MGAT4C: variants seen among roughly 807,000 people sequenced by gnomAD.
The protein encoded by MGAT4C is alpha-1,3-mannosyl-glycoprotein 4-beta-N-acetylglucosaminyltransferase C.
In MGAT4C, 19 loss-of-function variants were observed where a neutral mutation model predicts 40.1. The observed-to-expected ratio is 0.47, with a 90% CI of 0.33 to 0.70. MGAT4C has a LOEUF of 0.70. MGAT4C is among the 30% of genes least tolerant of loss of function. The probability of loss-of-function intolerance (pLI) is 0.02; values close to 1 mark genes in which losing one functional copy is unlikely to be tolerated. For missense variants in MGAT4C, 491 were observed against 563.2 expected, an observed-to-expected ratio of 0.87 and a Z score of 1.30; for synonymous variants, 181 against 187.1, an observed-to-expected ratio of 0.97 and a Z score of 0.27.
rs116761551 is a variant in MGAT4C, at chr12:86,069,549, A to G, written c.-56-19826T>C. ...AAGTGAACAGTGTGAACTATGGCAG[A>G]TTGGGTAAGAAAATGAATCTACACA... On this transcript the variant is annotated intron_variant, in intron 1 of 4. Coordinates refer to ENST00000611864, the MANE Select transcript of MGAT4C (RefSeq NM_001351288.2). Among the ~76,000 whole-genome samples, 5 of 152,308 alleles carry G rather than the reference A, an allele frequency of 3.3e-5. No individual in the cohort carries two copies. In the East Asian group the frequency reaches 5.8e-4, roughly 18 times the overall value.
At chr12:86,274,392 ATATAG>A (rs1345874425) in intron 4 of MGAT4C, among the ~76,000 whole-genome samples, 4 of 152,068 alleles carry the variant, frequency 2.6e-5, no homozygotes, top group Non-Finnish European at 5.9e-5. Context: ...TTAACTATAT[ATATAG>A]TATAGTATAT....
At chr12:86,140,259 G>A (rs2135736539) in intron 1 of MGAT4C, among the ~76,000 whole-genome samples, 1 of 152,206 alleles carries the variant, frequency 6.6e-6, no homozygotes, top group African/African-American at 2.4e-5. Context: ...TCATATTGCT[G>A]TAATTACACA....
At chr12:86,037,792 G>A (rs530898755) in intron 2 of MGAT4C, among the ~76,000 whole-genome samples, 3 of 149,936 alleles carry the variant, frequency 2.0e-5, no homozygotes, top group South Asian at 4.2e-4. Context: ...GAGTTCTGTC[G>A]ATGTATATTA....
chr12:86,446,658 CATATATATATATAT>C (rs34157468), intron 2 of MGAT4C, among the ~76,000 whole-genome samples: 68 of 35,326 alleles, frequency 1.9e-3, no homozygotes, highest in African/African-American at 3.3e-3. Context: ...TCATGTAACT[CATATATATATATAT>C]ATATATATAT....
At chr12:86,506,984 T>A (rs1275007508) in intron 2 of MGAT4C, among the ~76,000 whole-genome samples, 2 of 152,172 alleles carry the variant, frequency 1.3e-5, no homozygotes, top group Non-Finnish European at 2.9e-5. Flanking sequence ...AATGTGGCCA[T>A]CTTAAAAGAA....
rs954278972 is a variant in MGAT4C at position 85,962,175 on chromosome 12, T to C, written c.*17114A>G. The C allele has an allele frequency of 6.6e-6, 1 of 151,772 alleles. No individual in the cohort carries two copies. Among genetic ancestry groups the C allele is most frequent in the Non-Finnish European group, 1.5e-5 (1 of 67,724 alleles). The allele number at this position is 151,772 out of a possible 1,614,324, so 9.4% of individuals were successfully genotyped here. On this transcript the variant is annotated 3_prime_UTR_variant, in exon 5 of 5. Coordinates refer to ENST00000611864, the MANE Select transcript of MGAT4C (RefSeq NM_001351288.2). ...GAAAGAGAACATGGAGTTAGAATAA[T>C]TATTGTAGGACTGTAGATTGTCATC...
At chr12:86,196,709 G>A (rs1242823249) in intron 1 of MGAT4C, among the ~76,000 whole-genome samples, 2 of 152,176 alleles carry the variant, frequency 1.3e-5, no homozygotes, top group Non-Finnish European at 2.9e-5. Context: ...TTCTGCTGAT[G>A]TAATTCCATC....
chr12:86,157,202 C>T (rs778227683), intron 1 of MGAT4C, among the ~76,000 whole-genome samples: 1 of 151,890 alleles, frequency 6.6e-6, no homozygotes, highest in Non-Finnish European at 1.5e-5. Context: ...ACGGAAAGTG[C>T]ATTCATGAAC....
intron 1 of MGAT4C, among the ~76,000 whole-genome samples, chr12:86,204,260 A>T (rs964988937): frequency 1.4e-4 from 21 of 151,946 alleles, no homozygotes; most frequent in Non-Finnish European, 2.6e-4. Context: ...TATAAGAAAA[A>T]AATGGAAAAG....
rs1242644303 is a variant in MGAT4C at position 85,966,599 on chromosome 12, C to T, written c.*12690G>A. Reference sequence around the variant, plus strand: ...ATGCTTCTATAAAGACACATGCACACGTATGTTTATTGCGGCACTATTCAC... The same window carrying T: ...ATGCTTCTATAAAGACACATGCACATGTATGTTTATTGCGGCACTATTCAC... On this transcript the variant is annotated 3_prime_UTR_variant, in exon 5 of 5. Transcript: ENST00000611864. 2 of 152,070 alleles carry T rather than the reference C, an allele frequency of 1.3e-5. No individual in the cohort carries two copies. Among genetic ancestry groups the T allele is most frequent in the African/African-American group, 2.4e-5 (1 of 41,422 alleles). The allele number at this position is 152,070 out of a possible 1,614,324, so 9.4% of individuals were successfully genotyped here. A position where few individuals can be genotyped will look rare whatever the true frequency, so the allele number is the denominator to read the frequency against.
chr12:86,509,312 T>C (rs770844105), intron 2 of MGAT4C, among the ~76,000 whole-genome samples: 4 of 152,202 alleles, frequency 2.6e-5, no homozygotes, highest in Non-Finnish European at 5.9e-5. Context: ...ATTTATTTAA[T>C]AGGGAATCCT....
Position 86,365,433 on chromosome 12 carries a change from C to T in MGAT4C, c.-119-31306G>A, listed in dbSNP as rs181792477. ...CATCCTCCCCAGCTTACGAGGATGA[C>T]GGGATTAAGAGATTAAAGACAGGCA... On this transcript the variant is annotated intron_variant, in intron 3 of 7. Coordinates refer to the MGAT4C transcript ENST00000548651. 8.9e-4 allele frequency among the ~76,000 whole-genome samples: 135 copies of T among 152,112 alleles called. No individual in the cohort carries two copies. The Middle Eastern group carries it at 0.01, about 11-fold the overall frequency.
rs149680943 is a variant in MGAT4C, at chr12:86,068,373, T to G, written c.-56-18650A>C. 49 of 152,168 alleles carry G rather than the reference T, an allele frequency of 3.2e-4. 1 individual carries two copies. In the East Asian group the frequency reaches 8.7e-3, roughly 27 times the overall value. The allele number at this position is 152,168 out of a possible 1,614,324, so 9.4% of individuals were successfully genotyped here. ...ATCATCATTGATATTAGTTTGTTTT[T>G]CATTTATTGTTATAATTCATTCATT... is the stretch of plus-strand genomic sequence containing the variant. On this transcript the variant is annotated intron_variant, in intron 1 of 4. Transcript: ENST00000611864.
chr12:86,553,385 A>G (rs1959457900), intron 2 of MGAT4C, among the ~76,000 whole-genome samples: 2 of 152,130 alleles, frequency 1.3e-5, no homozygotes, highest in African/African-American at 4.8e-5. Context: ...TTCTAAGCAA[A>G]AGAAAACTGA....
intron 1 of MGAT4C, among the ~76,000 whole-genome samples, chr12:86,064,492 A>C (rs971141776): frequency 6.6e-6 from 1 of 152,252 alleles, no homozygotes; most frequent in Non-Finnish European, 1.5e-5. Flanking sequence ...TGAAGACAGA[A>C]ATAAAGATGT....
At chr12:86,590,139 C>T (rs1166140797) in intron 2 of MGAT4C, among the ~76,000 whole-genome samples, 1 of 151,814 alleles carries the variant, frequency 6.6e-6, no homozygotes, top group Non-Finnish European at 1.5e-5. Context: ...AAACAGAATA[C>T]ATGCATTTCA....
chr12:86,442,384 A>G (rs905690690), intron 2 of MGAT4C, among the ~76,000 whole-genome samples: 4 of 152,162 alleles, frequency 2.6e-5, no homozygotes, highest in Admixed American at 6.6e-5. Context: ...TTGTGTTGCC[A>G]TCGCTTTTGG....
At chr12:86,155,382 G>T (rs554392133) in intron 1 of MGAT4C, among the ~76,000 whole-genome samples, 1 of 152,278 alleles carries the variant, frequency 6.6e-6, no homozygotes, top group East Asian at 1.9e-4. Context: ...GCAGTAATAT[G>T]AGTAAGAGAT....
At chr12:86,733,683 A>G (rs1218321957) in intron 1 of MGAT4C, among the ~76,000 whole-genome samples, 2 of 152,050 alleles carry the variant, frequency 1.3e-5, no homozygotes, top group Non-Finnish European at 1.5e-5. Flanking sequence ...ATCTAATATA[A>G]TTGTACTGTA....
Sources: gnomAD v4.1 joint callset for allele counts (sites outside exome capture counted in the v4.1 genomes callset) on GRCh38, gnomAD v4.1.1 for gene constraint, MANE v1.5 for transcripts, NCBI Gene and HGNC (gene_info 2026-07-23, HGNC 2026-07-21) for gene names.